The following UGT1A7 variants were observed in gnomAD, a reference collection of about 807,000 sequenced individuals.
UGT1A7 encodes UDP-glucuronosyltransferase 1A7.
In UGT1A7, 33 loss-of-function variants were observed where a neutral mutation model predicts 45.6. The ratio of observed to expected loss-of-function variants is 0.72; its 90% CI spans 0.55 to 0.97. UGT1A7 has a LOEUF of 0.97. Ranked by LOEUF, UGT1A7 falls within the 50% of genes least tolerant of loss-of-function variation. The pLI is 0.00. For missense variants in UGT1A7, 684 were observed against 666.2 expected, an observed-to-expected ratio of 1.03 and a Z score of -0.29; for synonymous variants, 274 against 250.6, an observed-to-expected ratio of 1.09 and a Z score of -0.88.
intron 1 of UGT1A7, among the ~76,000 whole-genome samples, chr2:233,738,704 G>A (rs1471185258): frequency 6.6e-6 from 1 of 152,238 alleles, no homozygotes; most frequent in South Asian, 2.1e-4. Flanking sequence ...TAAAAGGGAA[G>A]CAGAGCATAA....
chr2:233,718,771 A>T, intron 1 of UGT1A7: 4 of 1,612,862 alleles, frequency 2.5e-6, no homozygotes, highest in Non-Finnish European at 3.4e-6. Flanking sequence ...AAACAAATGT[A>T]GCAGGCACAG....
chr2:233,693,990 T>TA, intron 1 of UGT1A7: 1 of 1,534,128 alleles, frequency 6.5e-7, no homozygotes, highest in African/African-American at 1.4e-5. Context: ...GGGGAAGTGA[T>TA]ACCCGGCTCG....
At chr2:233,760,317 A>G (rs772038779) in intron 1 of UGT1A7, 2 of 1,613,898 alleles carry the variant, frequency 1.2e-6, no homozygotes, top group African/African-American at 2.7e-5. Context: ...GCGGACGCCC[A>G]CTTGTCCTGG....
intron 1 of UGT1A7, chr2:233,717,942 G>C (rs1357400143): frequency 2.2e-6 from 1 of 453,616 alleles, no homozygotes; most frequent in Non-Finnish European, 4.4e-6. Flanking sequence ...TCTCTATGCA[G>C]ACTTGCAGAA....
intron 1 of UGT1A7, chr2:233,729,623 C>A (rs142986334): frequency 6.2e-7 from 1 of 1,613,912 alleles, no homozygotes; most frequent in Non-Finnish European, 8.5e-7. Context: ...AAGTACCTGT[C>A]GATTCCTACT....
chr2:233,772,929 C>T lies in UGT1A7; in HGVS notation c.*370C>T, dbSNP rs1186146273. On this transcript the variant is annotated 3_prime_UTR_variant, in exon 5 of 5. Transcript: ENST00000373426. ...CCCTACTGCAAATGGCAGTTTTAAT[C>T]TTATCTTTTGGCTTCTGCAGATGGT... The T allele has an allele frequency of 5.6e-6, 2 of 355,154 alleles. No individual in the cohort carries two copies. Among genetic ancestry groups the T allele is most frequent in the Non-Finnish European group, 1.0e-5 (2 of 197,036 alleles). The allele number at this position is 355,154 out of a possible 1,614,324, so 22.0% of individuals were successfully genotyped here. A position where few individuals can be genotyped will look rare whatever the true frequency, so the allele number is the denominator to read the frequency against.
At chr2:233,748,098 A>G (rs1489577021) in intron 1 of UGT1A7, 1 of 1,612,584 alleles carries the variant, frequency 6.2e-7, no homozygotes, top group African/African-American at 1.3e-5. Flanking sequence ...TCGTGCCTTC[A>G]TCCAATCAAT....
At chr2:233,763,024 G>T (rs187872342) in intron 1 of UGT1A7, among the ~76,000 whole-genome samples, 17 of 152,244 alleles carry the variant, frequency 1.1e-4, no homozygotes, top group Middle Eastern at 3.4e-3. Flanking sequence ...CATTATGTTA[G>T]CCATTGTTTT....
At chr2:233,730,564 A>G (rs1270529566) in intron 1 of UGT1A7, among the ~76,000 whole-genome samples, 1 of 152,140 alleles carries the variant, frequency 6.6e-6, no homozygotes, top group Non-Finnish European at 1.5e-5. Context: ...AGAATGACAC[A>G]CGAAGTTCAG....
intron 1 of UGT1A7, chr2:233,760,872 G>C: frequency 6.2e-7 from 1 of 1,614,112 alleles, no homozygotes; most frequent in Non-Finnish European, 8.5e-7. Context: ...ACGTGCCCAG[G>C]CCTCTCTCCT....
chr2:233,717,547 C>T (rs888437914), intron 1 of UGT1A7, among the ~76,000 whole-genome samples: 1 of 152,196 alleles, frequency 6.6e-6, no homozygotes, highest in African/African-American at 2.4e-5. Flanking sequence ...TCAGCCTCAC[C>T]AGCAATGGCA....
chr2:233,720,934 C>T (rs1372026548), intron 1 of UGT1A7, among the ~76,000 whole-genome samples: 1 of 148,294 alleles, frequency 6.7e-6, no homozygotes, highest in Non-Finnish European at 1.5e-5. Flanking sequence ...TGGTCTTGAA[C>T]TCCTGACCTC....
At chr2:233,759,330 G>A (rs1053848979) in intron 1 of UGT1A7, among the ~76,000 whole-genome samples, 20 of 152,160 alleles carry the variant, frequency 1.3e-4, no homozygotes, top group Admixed American at 1.3e-3. Flanking sequence ...TTAATTGGTT[G>A]GTTCAGGTGA....
chr2:233,693,934 T>G, intron 1 of UGT1A7: 2 of 1,606,124 alleles, frequency 1.2e-6, no homozygotes, highest in Non-Finnish European at 1.7e-6. Flanking sequence ...CTCATTTGGC[T>G]CCTTGAGCCG....
At position 233,729,937 on chromosome 2, in the gene UGT1A7, C is replaced by A; in HGVS notation, c.856-37097C>A. The A allele has an allele frequency of 3.1e-6, 5 of 1,614,026 alleles. No individual in the cohort carries two copies. The Admixed American group carries it at 8.3e-5, about 27-fold the overall frequency. On this transcript the variant is annotated intron_variant, in intron 1 of 4. Coordinates refer to ENST00000373426, the MANE Select transcript of UGT1A7 (RefSeq NM_019077.3). ...GATGGACTACCCCAGGCCAATCATG[C>A]CCAACATGGTCTTCATTGGGGGCAT... is the stretch of plus-strand genomic sequence containing the variant.
At chr2:233,765,294 GAC>G (rs1698796099) in intron 1 of UGT1A7, among the ~76,000 whole-genome samples, 1 of 152,132 alleles carries the variant, frequency 6.6e-6, no homozygotes, top group Non-Finnish European at 1.5e-5. Flanking sequence ...CTACTATAAA[GAC>G]ACATGCACAT....
At chr2:233,721,199 C>T (rs1012504962) in intron 1 of UGT1A7, among the ~76,000 whole-genome samples, 4 of 152,106 alleles carry the variant, frequency 2.6e-5, no homozygotes, top group Admixed American at 2.0e-4. Context: ...ATTTGTTCTA[C>T]TGGTTTTCTT....
chr2:233,713,112 T>A, intron 1 of UGT1A7: 3 of 1,614,212 alleles, frequency 1.9e-6, no homozygotes, highest in Non-Finnish European at 2.5e-6. Flanking sequence ...TGGCAGCCAC[T>A]GGCTCAGCAT....
At chr2:233,711,040 C>T (rs1449221442) in intron 1 of UGT1A7, among the ~76,000 whole-genome samples, 1 of 152,212 alleles carries the variant, frequency 6.6e-6, no homozygotes, top group African/African-American at 2.4e-5. Context: ...GGTGACCTCA[C>T]TGACACCCAT....
Sources: gnomAD v4.1 joint callset for allele counts (sites outside exome capture counted in the v4.1 genomes callset) on GRCh38, gnomAD v4.1.1 for gene constraint, MANE v1.5 for transcripts, NCBI Gene and HGNC (gene_info 2026-07-23, HGNC 2026-07-21) for gene names.